The following FGF12 variants were observed in gnomAD, a reference collection of about 807,000 sequenced individuals.
FGF12 encodes fibroblast growth factor 12B.
In FGF12, 14 loss-of-function variants were observed where a neutral mutation model predicts 23.6. The ratio of observed to expected loss-of-function variants is 0.59; its 90% CI spans 0.39 to 0.93. The LOEUF is 0.93. FGF12 is among the 40% of genes least tolerant of loss of function. The pLI is 0.00. For missense variants in FGF12, 175 were observed against 217.8 expected (o/e 0.80, Z 1.24); for synonymous variants, 62 against 77.3 (o/e 0.80, Z 1.04).
At chr3:192,395,583 G>C (rs2108765550) in intron 2 of FGF12, among the ~76,000 whole-genome samples, 1 of 152,302 alleles carries the variant, frequency 6.6e-6, no homozygotes, top group South Asian at 2.1e-4. Context: ...TGATCACCTA[G>C]TATGTAGAAA....
intron 2 of FGF12, among the ~76,000 whole-genome samples, chr3:192,677,631 A>G (rs895005427): frequency 6.6e-6 from 1 of 152,234 alleles, no homozygotes; most frequent in Non-Finnish European, 1.5e-5. Flanking sequence ...AAATAGCCAT[A>G]TGTTCTATGC....
chr3:192,568,960 A>G (rs1712468999), intron 2 of FGF12, among the ~76,000 whole-genome samples: 1 of 152,172 alleles, frequency 6.6e-6, no homozygotes, highest in African/African-American at 2.4e-5. Context: ...CAACTTATGA[A>G]GGGCACACTT....
rs568973620 is a variant in FGF12, at chr3:192,464,666, C to T, written c.14-104128G>A. The stretch of plus-strand genomic sequence containing the variant: ...TCTTTTTCACATAATGACTTCTTTT[C>T]CTCTGAGTAGATACCTAGTAGCAGG... On this transcript the variant is annotated intron_variant, in intron 2 of 5. Transcript: ENST00000445105. Among the ~76,000 whole-genome samples, 6 of 152,178 alleles carry T rather than the reference C, an allele frequency of 3.9e-5. No homozygotes were observed. The South Asian group carries it at 1.0e-3, about 26-fold the overall frequency.
intron 4 of FGF12, among the ~76,000 whole-genome samples, chr3:192,222,993 G>A (rs896840793): frequency 2.0e-5 from 3 of 152,048 alleles, no homozygotes; most frequent in Non-Finnish European, 4.4e-5. Flanking sequence ...CACGTATTCC[G>A]CACTGCACCT....
chr3:192,251,132 T>A (rs2108606514), intron 4 of FGF12, among the ~76,000 whole-genome samples: 2 of 152,300 alleles, frequency 1.3e-5, no homozygotes, highest in Admixed American at 1.3e-4. Context: ...CTATGGAAAC[T>A]CTTCTGTCTC....
intron 2 of FGF12, among the ~76,000 whole-genome samples, chr3:192,482,632 T>TCAAAAAA (rs1274464316): frequency 6.6e-6 from 1 of 151,964 alleles, no homozygotes; most frequent in Non-Finnish European, 1.5e-5. Context: ...GGATTCCGTC[T>TCAAAAAA]CAAAAAACAA....
chr3:192,706,928 AGAATGTTAATACTAACCAGAT>A (rs1257401340), intron 2 of FGF12, among the ~76,000 whole-genome samples: 1 of 152,260 alleles, frequency 6.6e-6, no homozygotes, highest in Non-Finnish European at 1.5e-5. Flanking sequence ...TGATTTCAAA[AGAATGTTAATACTAACCAGAT>A]GAATAACCCA....
At chr3:192,383,422 C>T (rs1185799485) in intron 2 of FGF12, among the ~76,000 whole-genome samples, 1 of 150,984 alleles carries the variant, frequency 6.6e-6, no homozygotes, top group African/African-American at 2.4e-5. Context: ...TCAAGGTGGT[C>T]TTAAATAAAA....
At chr3:192,644,266 C>A (rs970301747) in intron 2 of FGF12, among the ~76,000 whole-genome samples, 1 of 152,036 alleles carries the variant, frequency 6.6e-6, no homozygotes, top group Non-Finnish European at 1.5e-5. Flanking sequence ...CTGAACATAC[C>A]TTTGGAGTCC....
intron 2 of FGF12, among the ~76,000 whole-genome samples, chr3:192,704,966 C>A (rs969545722): frequency 1.3e-5 from 2 of 152,336 alleles, no homozygotes; most frequent in East Asian, 3.9e-4. Flanking sequence ...TCAGCCTTCA[C>A]AGAATTGAAG....
intron 5 of FGF12, among the ~76,000 whole-genome samples, chr3:192,164,190 G>A (rs999579441): frequency 5.9e-5 from 9 of 152,114 alleles, no homozygotes; most frequent in Non-Finnish European, 1.2e-4. Context: ...GCTAAAGGGG[G>A]AGGTCACCAC....
At chr3:192,672,371 G>A (rs1202883271) in intron 2 of FGF12, among the ~76,000 whole-genome samples, 1 of 150,616 alleles carries the variant, frequency 6.6e-6, no homozygotes, top group South Asian at 2.1e-4. Context: ...TTAAAGTCTG[G>A]TATGGACAAA....
At chr3:192,262,765 T>A (rs1008685888) in intron 4 of FGF12, among the ~76,000 whole-genome samples, 1 of 152,038 alleles carries the variant, frequency 6.6e-6, no homozygotes, top group African/African-American at 2.4e-5. Context: ...ATCCCAATCA[T>A]TAAGTGACAC....
chr3:192,283,942 G>A (rs1442801747), intron 4 of FGF12, among the ~76,000 whole-genome samples: 1 of 152,016 alleles, frequency 6.6e-6, no homozygotes, highest in Non-Finnish European at 1.5e-5. Context: ...CTCTACCAGA[G>A]AAATTCCACA....
chr3:192,566,150 G>A (rs1197264991), intron 2 of FGF12, among the ~76,000 whole-genome samples: 1 of 152,152 alleles, frequency 6.6e-6, no homozygotes, highest in Non-Finnish European at 1.5e-5. Context: ...TATTTCATAG[G>A]TAAGGAAACT....
At chr3:192,545,804 C>T in intron 2 of FGF12, among the ~76,000 whole-genome samples, 1 of 152,188 alleles carries the variant, frequency 6.6e-6, no homozygotes, top group East Asian at 1.9e-4. Context: ...TGTCTCTACT[C>T]ATAGTGAGCT....
intron 2 of FGF12, among the ~76,000 whole-genome samples, chr3:192,614,587 T>C (rs1241362573): frequency 1.4e-4 from 21 of 152,054 alleles, no homozygotes; most frequent in Admixed American, 1.1e-3. Flanking sequence ...GTGTTTTCTT[T>C]GTATTGCTAC....
At chr3:192,278,010 C>T (rs1713909787) in intron 4 of FGF12, among the ~76,000 whole-genome samples, 1 of 152,328 alleles carries the variant, frequency 6.6e-6, no homozygotes, top group Non-Finnish European at 1.5e-5. Flanking sequence ...ATCCACCTGC[C>T]TCAGCCTCCC....
At chr3:192,382,534 T>TAA (rs71635385) in intron 2 of FGF12, among the ~76,000 whole-genome samples, 1 of 147,268 alleles carries the variant, frequency 6.8e-6, no homozygotes, top group African/African-American at 2.5e-5. Flanking sequence ...CCTATAGCAA[T>TAA]AAAAAAAAAA....
Sources: gnomAD v4.1 joint callset for allele counts (sites outside exome capture counted in the v4.1 genomes callset) on GRCh38, gnomAD v4.1.1 for gene constraint, MANE v1.5 for transcripts, NCBI Gene and HGNC (gene_info 2026-07-23, HGNC 2026-07-21) for gene names.